MMP16: variants seen among roughly 807,000 people sequenced by gnomAD.
MMP16 encodes matrix metallopeptidase 16.
In MMP16, 12 loss-of-function variants were observed where a neutral mutation model predicts 67.8. The ratio of observed to expected loss-of-function variants is 0.18; its 90% confidence interval spans 0.11 to 0.29. MMP16 has a LOEUF of 0.29. Among genes scored for constraint, MMP16 ranks in the 10% least tolerant of loss-of-function variants. MMP16 has a pLI of 1.00. For synonymous variants in MMP16, 249 were observed against 255.9 expected, an observed-to-expected ratio of 0.97 and a Z score of 0.26; for missense variants, 475 against 765.7, an observed-to-expected ratio of 0.62 and a Z score of 4.48.
At position 88,198,408 on chromosome 8, in the gene MMP16, T is replaced by C. The variant is rs147235625; in HGVS notation, c.133-1102A>G. On this transcript the variant is annotated intron_variant, in intron 1 of 9. Coordinates refer to ENST00000286614, the MANE Select transcript of MMP16 (RefSeq NM_005941.5). ...AGCCTTGCTATTTAGTGAAAGCTAT[T>C]TGCCAGCATGTGTTACCCTTCCTAC... 3.9e-3 allele frequency among the ~76,000 whole-genome samples: 587 copies of C among 152,266 alleles called. 5 individuals are homozygous for C. The highest frequency in any genetic ancestry group is 7.3e-3 in the Admixed American group (111 of 15,288).
At chr8:88,222,511 G>A (rs2129849655) in intron 1 of MMP16, among the ~76,000 whole-genome samples, 1 of 152,180 alleles carries the variant, frequency 6.6e-6, no homozygotes, top group Admixed American at 6.5e-5. Context: ...TAGACCAATG[G>A]AACAGAACAG....
intron 1 of MMP16, 143 bp from the exon 2 acceptor site, chr8:88,197,449 A>G: frequency 1.6e-6 from 1 of 617,016 alleles, no homozygotes; most frequent in Non-Finnish European, 2.5e-6. Flanking sequence ...TCTTTTTGTA[A>G]TATATATATT....
chr8:88,158,814 C>A (rs1808561412), intron 4 of MMP16, among the ~76,000 whole-genome samples: 2 of 152,170 alleles, frequency 1.3e-5, no homozygotes, highest in African/African-American at 4.8e-5. Flanking sequence ...ACATTTAAGT[C>A]TTTAATCCAT....
Position 88,116,697 on chromosome 8 carries a change from G to T in MMP16, c.893C>A (p.Pro298Gln). 6.2e-7 allele frequency: 1 copy of T among 1,613,630 alleles called. No individual in the cohort carries two copies. The highest frequency in any genetic ancestry group is 1.1e-5 in the South Asian group (1 of 91,080). ...KIYGPPDKIP[P>Q]PTRPLPTVPP... The stretch of plus-strand genomic sequence containing the variant: ...CACTGTCGGTAGAGGTCTTGTAGGT[G>T]GAGGAATCTTGTCAGGTGGACCTTT... Residue 298 changes from proline to glutamine, a missense_variant, in exon 6 of 10, where the codon CCA becomes CAA. By Grantham distance (76) the Pro-to-Gln change is moderately conservative (BLOSUM62 -1). Coordinates refer to ENST00000286614, the MANE Select transcript of MMP16 (RefSeq NM_005941.5).
At chr8:88,238,466 C>T (rs1586220470) in intron 1 of MMP16, among the ~76,000 whole-genome samples, 2 of 150,200 alleles carry the variant, frequency 1.3e-5, no homozygotes, top group East Asian at 2.0e-4. Flanking sequence ...GAGACCAACC[C>T]GGCCAACATG....
intron 1 of MMP16, among the ~76,000 whole-genome samples, chr8:88,201,912 A>C (rs1477647186): frequency 6.6e-6 from 1 of 152,124 alleles, no homozygotes; most frequent in Non-Finnish European, 1.5e-5. Flanking sequence ...TGTGGCCTAC[A>C]TTTTCTCGTC....
At chr8:88,091,002 A>G (rs1303975257) in intron 6 of MMP16, among the ~76,000 whole-genome samples, 2 of 151,888 alleles carry the variant, frequency 1.3e-5, no homozygotes, top group African/African-American at 4.8e-5. Context: ...TTGATCCTTC[A>G]AAATGCTTTT....
At chr8:88,186,654 A>T (rs988572915) in intron 2 of MMP16, 56 bp from the exon 3 acceptor site, 1 of 1,544,608 alleles carries the variant, frequency 6.5e-7, no homozygotes, top group Non-Finnish European at 8.7e-7. Context: ...TTTACTAACA[A>T]CCCTAATCAT....
At chr8:88,278,793 T>C (rs1810687797) in intron 1 of MMP16, among the ~76,000 whole-genome samples, 2 of 152,178 alleles carry the variant, frequency 1.3e-5, no homozygotes, top group Admixed American at 6.5e-5. Flanking sequence ...TTTTATAATG[T>C]TCTGCTGGGA....
rs74343751 is a variant in MMP16, at chr8:88,261,337, T to C, written c.133-64031A>G. Among the ~76,000 whole-genome samples the C allele has an allele frequency of 2.1e-3, 316 of 152,184 alleles. 1 individual carries two copies. Among genetic ancestry groups the C allele is most frequent in the African/African-American group, 7.3e-3 (302 of 41,540 alleles). Reference sequence around the variant, plus strand: ...CTATCTTGGATTCAAAAATATCACATGGATAGTTGTATTATCAAGCCCAGA... The same window carrying C: ...CTATCTTGGATTCAAAAATATCACACGGATAGTTGTATTATCAAGCCCAGA... On this transcript the variant is annotated intron_variant, in intron 1 of 9. Coordinates refer to ENST00000286614, the MANE Select transcript of MMP16 (RefSeq NM_005941.5).
intron 2 of MMP16, among the ~76,000 whole-genome samples, chr8:88,187,667 C>T (rs1394108720): frequency 1.3e-5 from 2 of 152,148 alleles, no homozygotes; most frequent in Non-Finnish European, 2.9e-5. Flanking sequence ...AAGTAATTTA[C>T]ATGTTATGCA....
At chr8:88,223,361 T>C (rs566884192) in intron 1 of MMP16, among the ~76,000 whole-genome samples, 72 of 152,094 alleles carry the variant, frequency 4.7e-4, no homozygotes, top group African/African-American at 1.6e-3. Flanking sequence ...CCAAAGGATT[T>C]TAAATCATGC....
chr8:88,249,263 A>G (rs982522181), intron 1 of MMP16, among the ~76,000 whole-genome samples: 1 of 152,096 alleles, frequency 6.6e-6, no homozygotes, highest in Non-Finnish European at 1.5e-5. Context: ...AAGAGAAAAC[A>G]CAAAATTTGG....
At chr8:88,237,874 G>A (rs985039151) in intron 1 of MMP16, among the ~76,000 whole-genome samples, 1 of 152,084 alleles carries the variant, frequency 6.6e-6, no homozygotes, top group Non-Finnish European at 1.5e-5. Context: ...AATGATTTGT[G>A]TGCTTATGGC....
chr8:88,140,336 G>C (rs1420188675), intron 4 of MMP16, among the ~76,000 whole-genome samples: 1 of 152,130 alleles, frequency 6.6e-6, no homozygotes, highest in Non-Finnish European at 1.5e-5. Context: ...GAAAGGGTTA[G>C]CTCTAGTTAG....
At chr8:88,186,688 A>C in intron 2 of MMP16, 90 bp from the exon 3 acceptor site, 1 of 1,505,348 alleles carries the variant, frequency 6.6e-7, no homozygotes, top group Non-Finnish European at 8.9e-7. Flanking sequence ...AAATCAATTA[A>C]GAGGTTAATC....
intron 1 of MMP16, among the ~76,000 whole-genome samples, chr8:88,261,822 G>T (rs1338498294): frequency 6.7e-6 from 1 of 150,080 alleles, no homozygotes; most frequent in Non-Finnish European, 1.5e-5. Flanking sequence ...GATGGAAGAG[G>T]ATAACATTTA....
rs1177236269 is a variant in MMP16, at chr8:88,039,744, T to G, written c.*1717A>C. The G allele has an allele frequency of 6.6e-6, 1 of 152,634 alleles. No homozygotes were observed. The highest frequency in any genetic ancestry group is 2.4e-5 in the African/African-American group (1 of 41,468). 9.5% of individuals were successfully genotyped at this position (152,634 alleles called of 1,614,324 possible). On this transcript the variant is annotated 3_prime_UTR_variant, in exon 10 of 10. Transcript: ENST00000286614. The surrounding 1 kb of genome is among the most constrained non-coding windows in gnomAD (Gnocchi z 4.5). ...TAATAAGTTCACAGCCCAGTGGCTG[T>G]AAAGCCTTTCACTGCAAGAAGCAGC...
At chr8:88,082,139 GT>G (rs1370013030) in intron 6 of MMP16, among the ~76,000 whole-genome samples, 1 of 151,852 alleles carries the variant, frequency 6.6e-6, no homozygotes, top group Non-Finnish European at 1.5e-5. Context: ...GACGTGAACA[GT>G]TTATACAAAC....
Sources: allele counts gnomAD v4.1 joint callset (sites outside exome capture counted in the v4.1 genomes callset), GRCh38; gene constraint gnomAD v4.1.1; non-coding constraint Gnocchi (gnomAD v3.1); transcripts MANE v1.5; gene names NCBI Gene and HGNC (gene_info 2026-07-23, HGNC 2026-07-21).